The following SUGCT variants were observed in gnomAD, a reference collection of about 807,000 sequenced individuals.
SUGCT encodes succinyl-CoA:glutarate-CoA transferase, also known as succinyl-CoA:glutarate CoA-transferase.
In SUGCT, 41 loss-of-function variants were observed where a neutral mutation model predicts 55.0. The observed-to-expected ratio is 0.74, with a 90% CI of 0.58 to 0.97. The LOEUF is 0.97. SUGCT is among the 50% of genes least tolerant of loss of function. SUGCT has a pLI of 0.00. For missense variants in SUGCT, 568 were observed against 547.8 expected, an observed-to-expected ratio of 1.04 and a Z score of -0.37; for synonymous variants, 187 against 200.4, an observed-to-expected ratio of 0.93 and a Z score of 0.56.
chr7:40,841,197 C>G (rs558500586), intron 13 of SUGCT, among the ~76,000 whole-genome samples: 2 of 151,884 alleles, frequency 1.3e-5, no homozygotes, highest in South Asian at 4.1e-4. Flanking sequence ...TTTGCTGACA[C>G]AGACAACAAA....
intron 9 of SUGCT, among the ~76,000 whole-genome samples, chr7:40,322,330 T>A (rs1224058715): frequency 1.5e-4 from 23 of 152,138 alleles, no homozygotes. Flanking sequence ...CTTCTATGAG[T>A]TTTTATGCTC....
At chr7:40,668,393 G>A (rs1228627159) in intron 12 of SUGCT, among the ~76,000 whole-genome samples, 1 of 152,048 alleles carries the variant, frequency 6.6e-6, no homozygotes, top group East Asian at 1.9e-4. Context: ...TTCATTATAT[G>A]TAACTGAAGT....
At chr7:40,172,102 C>T (rs1287066156) in intron 1 of SUGCT, among the ~76,000 whole-genome samples, 3 of 152,116 alleles carry the variant, frequency 2.0e-5, no homozygotes, top group African/African-American at 4.8e-5. Context: ...GTGTGCCTCC[C>T]TTTAATTTAC....
chr7:40,443,200 T>C (rs575542402), intron 9 of SUGCT, among the ~76,000 whole-genome samples: 2 of 152,346 alleles, frequency 1.3e-5, no homozygotes, highest in East Asian at 1.9e-4. Flanking sequence ...CACGTGTCTT[T>C]ATAGCAGTAT....
chr7:40,734,719 C>T (rs879597803), intron 12 of SUGCT, among the ~76,000 whole-genome samples: 1 of 151,576 alleles, frequency 6.6e-6, no homozygotes, highest in South Asian at 2.1e-4. Flanking sequence ...TTACTTTGGT[C>T]CCTGCAAAAA....
the SUGCT span, among the ~76,000 whole-genome samples, chr7:40,948,079 C>G: frequency 6.6e-6 from 1 of 152,126 alleles, no homozygotes; most frequent in Non-Finnish European, 1.5e-5. Context: ...AGAAGTCATG[C>G]CCTTTAGATT....
At chr7:40,710,281 A>C (rs1785645334) in intron 12 of SUGCT, among the ~76,000 whole-genome samples, 1 of 152,196 alleles carries the variant, frequency 6.6e-6, no homozygotes, top group Non-Finnish European at 1.5e-5. Flanking sequence ...GAGGAGATAC[A>C]TTTCTACAGA....
chr7:40,684,054 A>C (rs754299823), intron 12 of SUGCT: 1 of 1,612,470 alleles, frequency 6.2e-7, no homozygotes, highest in Non-Finnish European at 8.5e-7. Context: ...GGTTGTCAAT[A>C]GAACGCTGTC....
At chr7:40,469,496 GT>G (rs1300270886) in intron 11 of SUGCT, among the ~76,000 whole-genome samples, 2 of 152,142 alleles carry the variant, frequency 1.3e-5, no homozygotes, top group Admixed American at 6.5e-5. Flanking sequence ...AAGTGGCTGT[GT>G]TTTGTTACTA....
chr7:40,795,837 A>G (rs1050074618), intron 13 of SUGCT, among the ~76,000 whole-genome samples: 1 of 152,188 alleles, frequency 6.6e-6, no homozygotes, highest in African/African-American at 2.4e-5. Flanking sequence ...GGTGAAGTGC[A>G]ATGTTATTTA....
intron 7 of SUGCT, among the ~76,000 whole-genome samples, 173 bp downstream of exon 7, chr7:40,237,899 T>C (rs933715301): frequency 1.5e-4 from 23 of 152,188 alleles, no homozygotes; most frequent in African/African-American, 5.5e-4. Context: ...AGTGAATGCT[T>C]ATGAAAGTAA....
intron 12 of SUGCT, among the ~76,000 whole-genome samples, chr7:40,542,751 G>A (rs1794763068): frequency 6.6e-6 from 1 of 152,150 alleles, no homozygotes; most frequent in Non-Finnish European, 1.5e-5. Flanking sequence ...AAGAACAAAA[G>A]GGGCAGAATG....
the SUGCT span, among the ~76,000 whole-genome samples, chr7:40,923,845 G>C: frequency 6.6e-6 from 1 of 152,146 alleles, no homozygotes; most frequent in Non-Finnish European, 1.5e-5. Context: ...TGATCTCCAT[G>C]AACTGTGAAT....
intron 13 of SUGCT, among the ~76,000 whole-genome samples, chr7:40,836,132 C>A (rs1034525985): frequency 4.0e-5 from 6 of 151,788 alleles, no homozygotes; most frequent in Non-Finnish European, 8.8e-5. Flanking sequence ...CTCCTGAGCT[C>A]AAACAATCCT....
At chr7:40,424,511 G>A (rs1787479587) in intron 9 of SUGCT, among the ~76,000 whole-genome samples, 1 of 152,116 alleles carries the variant, frequency 6.6e-6, no homozygotes, top group South Asian at 2.1e-4. Context: ...TTGGAGGTAG[G>A]GGTTTGTGAG....
intron 12 of SUGCT, among the ~76,000 whole-genome samples, chr7:40,603,255 G>T (rs954157469): frequency 6.6e-6 from 1 of 152,142 alleles, no homozygotes; most frequent in African/African-American, 2.4e-5. Flanking sequence ...GAGACTAAAA[G>T]GGTTTAGATA....
chr7:40,516,277 A>G (rs1419145019), intron 12 of SUGCT, among the ~76,000 whole-genome samples: 5 of 152,168 alleles, frequency 3.3e-5, no homozygotes, highest in Non-Finnish European at 5.9e-5. Context: ...ATTATCTTCC[A>G]TTCTGTAAGT....
In SUGCT at chr7:40,774,654, TA is replaced by T. The variant is rs555171359; in HGVS notation, c.1153+25158del. ...CTGTTGTTGATACTTGTCTACAGAT[TA>T]TAAAGCCTTGCAAAGACTTACAGAT... On this transcript the variant is annotated intron_variant, in intron 13 of 13. Transcript: ENST00000335693. Among the ~76,000 whole-genome samples, 456 of 152,294 alleles carry T rather than the reference TA, an allele frequency of 3.0e-3. 1 individual carries two copies. Among genetic ancestry groups the T allele is most frequent in the African/African-American group, 0.01 (436 of 41,584 alleles).
intron 13 of SUGCT, among the ~76,000 whole-genome samples, chr7:40,791,217 AGACCACT>A (rs1790293042): frequency 6.6e-6 from 1 of 152,230 alleles, no homozygotes; most frequent in South Asian, 2.1e-4. Context: ...GATAAAGGTA[AGACCACT>A]GGATTAAAAT....
Sources: allele counts gnomAD v4.1 joint callset (sites outside exome capture counted in the v4.1 genomes callset), GRCh38; gene constraint gnomAD v4.1.1; transcripts MANE v1.5; gene names NCBI Gene and HGNC (gene_info 2026-07-23, HGNC 2026-07-21).